Variants in GNL2 observed in about 807,000 individuals in gnomAD.
GNL2 encodes G protein nucleolar 2.
A neutral mutation model predicts 92.3 loss-of-function variants in GNL2; 51 were observed. The ratio of observed to expected loss-of-function variants is 0.55; its 90% CI spans 0.44 to 0.70. GNL2 has a LOEUF of 0.70. Ranked by LOEUF, GNL2 falls within the 30% of genes least tolerant of loss-of-function variation. The pLI, the probability that GNL2 is intolerant of heterozygous loss-of-function variation, is 0.00. For synonymous variants in GNL2, 283 were observed against 300.6 expected (o/e 0.94, Z 0.61); for missense variants, 844 against 895.6 (o/e 0.94, Z 0.74).
At position 37,568,288 on chromosome 1, in the gene GNL2, ATCT is replaced by A. The variant is rs1313198817; in HGVS notation, c.1935_1937del (p.Glu645del). ...ATTTAACTTCACCTCTGTCATCTAC[ATCT>A]TCTTCCAGTGTTTTTCTTTGTTCTT... On this transcript the variant is annotated inframe_deletion, in exon 14 of 16. Transcript: ENST00000373062. The A allele has an allele frequency of 6.3e-7, 1 of 1,593,996 alleles. No individual in the cohort carries two copies. Among genetic ancestry groups the A allele is most frequent in the Non-Finnish European group, 8.6e-7 (1 of 1,161,622 alleles).
rs757122063 is a variant in GNL2, at chr1:37,574,814, C to G, written c.1153G>C (p.Glu385Gln). Reference sequence around the variant, plus strand: ...TGGTCTTCAGGACTCTTAATTTTTTCTACTTGAACCTAAATGTTAATAGGA... The same window carrying G: ...TGGTCTTCAGGACTCTTAATTTTTTGTACTTGAACCTAAATGTTAATAGGA... ...DIVLKGVVQV[E>Q]KIKSPEDHIG... Residue 385 changes from glutamate to glutamine, a missense_variant, in exon 11 of 16, where the codon GAA becomes CAA. By Grantham distance (29) the Glu-to-Gln change is conservative (BLOSUM62 2). Coordinates refer to ENST00000373062, the MANE Select transcript of GNL2 (RefSeq NM_013285.3). 6.2e-7 allele frequency: 1 copy of G among 1,608,240 alleles called. No homozygotes were observed.
Position 37,593,819 on chromosome 1 carries a change from T to A in GNL2, c.92A>T (p.Asn31Ile), listed in dbSNP as rs1461632286. The change falls in exon 2 of 16, where the codon AAC becomes ATC. Residue 31 changes from asparagine (N) to isoleucine (I), a missense_variant. Coordinates refer to ENST00000373062, the MANE Select transcript of GNL2 (RefSeq NM_013285.3). Reference sequence around the variant, plus strand: ...CCGGATGGTGGCCCGGTCCCTCATGTTTTGGCCTCCTGCTCCCTGCACTCG... The same window carrying A: ...CCGGATGGTGGCCCGGTCCCTCATGATTTGGCCTCCTGCTCCCTGCACTCG... ...PDRVQGAGGQ[N>I]MRDRATIRRL... 5.0e-6 allele frequency: 8 copies of A among 1,613,862 alleles called. No individual in the cohort carries two copies. In the East Asian group the frequency reaches 1.8e-4, roughly 36 times the overall value.
intron 6 of GNL2, 48 bp from the exon 7 acceptor site, chr1:37,582,984 G>A (rs770377218): frequency 5.1e-5 from 67 of 1,325,908 alleles, no homozygotes; most frequent in Non-Finnish European, 5.5e-5. Flanking sequence ...ACAAATAAAA[G>A]AGGGATGACA....
chr1:37,582,612 T>A (rs1643788176), intron 7 of GNL2, among the ~76,000 whole-genome samples, 166 bp downstream of exon 7: 2 of 152,192 alleles, frequency 1.3e-5, no homozygotes, highest in South Asian at 4.1e-4. Flanking sequence ...TCAGAAGCCG[T>A]CTCCTGGTGC....
intron 12 of GNL2, among the ~76,000 whole-genome samples, chr1:37,572,354 G>T (rs928679721): frequency 6.6e-6 from 1 of 152,138 alleles, no homozygotes; most frequent in Non-Finnish European, 1.5e-5. Context: ...TTATGCTAAT[G>T]TGGTGACTCA....
chr1:37,585,145 G>A (rs1326345955), intron 5 of GNL2, among the ~76,000 whole-genome samples: 4 of 139,122 alleles, frequency 2.9e-5, no homozygotes, highest in East Asian at 2.2e-4. Context: ...TGCAACCTCC[G>A]CCTCCCGGGT....
intron 2 of GNL2, 190 bp downstream of exon 2, chr1:37,593,570 ACC>A (rs1348521468): frequency 5.8e-5 from 30 of 519,702 alleles, no homozygotes; most frequent in Admixed American, 3.6e-5. Context: ...TCACTATTTC[ACC>A]GCCAGCTACC....
At chr1:37,591,035 A>C (rs183613238) in intron 3 of GNL2, among the ~76,000 whole-genome samples, 190 bp from the exon 4 acceptor site, 1 of 152,322 alleles carries the variant, frequency 6.6e-6, no homozygotes, top group Admixed American at 6.5e-5. Flanking sequence ...CTTGCACACT[A>C]TGAACTATTC....
intron 8 of GNL2, among the ~76,000 whole-genome samples, chr1:37,577,155 TG>T (rs1643690928): frequency 6.6e-6 from 1 of 151,356 alleles, no homozygotes; most frequent in Non-Finnish European, 1.5e-5. Flanking sequence ...TGTTAGTCAC[TG>T]ATTTAGAACA....
intron 8 of GNL2, among the ~76,000 whole-genome samples, chr1:37,580,707 T>C (rs1196232075): frequency 6.6e-6 from 1 of 152,218 alleles, no homozygotes; most frequent in Non-Finnish European, 1.5e-5. Flanking sequence ...CGAAGGGAAC[T>C]ACCTGTGCTG....
chr1:37,567,034 AG>A (rs760342060), intron 15 of GNL2, 27 bp from the exon 16 acceptor site: 1 of 1,602,024 alleles, frequency 6.2e-7, no homozygotes, highest in Admixed American at 1.7e-5. Context: ...GAAAAGATGA[AG>A]AAAAAAAACA....
intron 5 of GNL2, among the ~76,000 whole-genome samples, chr1:37,586,804 G>A (rs190813462): frequency 6.6e-6 from 1 of 152,248 alleles, no homozygotes; most frequent in Admixed American, 6.5e-5. Flanking sequence ...TGTCAATCAA[G>A]CCACCTTAGA....
chr1:37,592,572 T>C lies in GNL2; in HGVS notation c.244+140A>G, dbSNP rs149920934. 462 of 599,224 alleles carry C rather than the reference T, an allele frequency of 7.7e-4. 2 individuals carry two copies. In the African/African-American group the frequency reaches 7.9e-3, roughly 10 times the overall value. 37.1% of individuals were successfully genotyped at this position (599,224 alleles called of 1,614,324 possible). A position where few individuals can be genotyped will look rare whatever the true frequency, so the allele number is the denominator to read the frequency against. On this transcript the variant is annotated intron_variant, in intron 3 of 15. Transcript: ENST00000373062. The stretch of plus-strand genomic sequence containing the variant: ...AATTGACCACCACTACTTTTCCCAG[T>C]AATTCTTCTTATCCCTTTCTCAGAT...
In GNL2 at chr1:37,574,749, G is replaced by C. The variant is rs781367696; in HGVS notation, c.1218C>G (p.Ile406Met). 1.2e-6 allele frequency: 2 copies of C among 1,613,610 alleles called. 1 individual carries two copies. Among genetic ancestry groups the C allele is most frequent in the South Asian group, 2.2e-5 (2 of 91,076 alleles). The change falls in exon 11 of 16, where the codon ATC becomes ATG. Residue 406 changes from isoleucine to methionine, a missense_variant. Ile to Met is a conservative substitution (Grantham distance 10, BLOSUM62 1). Transcript: ENST00000373062. ...AVLERAKPEY[I>M]SKTYKIDSWE... ...AAGAATCAATCTTGTATGTTTTGCT[G>C]ATATATTCTGGCTTTGCTCGTTCAA...
At chr1:37,568,801 T>C (rs543379036) in intron 13 of GNL2, 50 bp downstream of exon 13, 7 of 1,427,312 alleles carry the variant, frequency 4.9e-6, no homozygotes, top group Non-Finnish European at 6.8e-6. Flanking sequence ...ATGGCAAATT[T>C]TTGGGAAAGG....
intron 8 of GNL2, among the ~76,000 whole-genome samples, chr1:37,579,338 G>A (rs1452766802): frequency 2.0e-5 from 3 of 151,994 alleles, no homozygotes; most frequent in African/African-American, 4.8e-5. Flanking sequence ...ACCTGAGGTC[G>A]GAAGTTTGAG....
chr1:37,569,509 G>A (rs1643563362), intron 12 of GNL2: 2 of 539,158 alleles, frequency 3.7e-6, no homozygotes, highest in Admixed American at 3.4e-5. Context: ...AGGAATACAT[G>A]TGTAGTTCCA....
chr1:37,572,137 A>ATTC (rs1643603798), intron 12 of GNL2, among the ~76,000 whole-genome samples: 1 of 151,526 alleles, frequency 6.6e-6, no homozygotes, highest in African/African-American at 2.4e-5. Context: ...ACCCCAAAGT[A>ATTC]CTCCTCATCT....
intron 5 of GNL2, 121 bp downstream of exon 5, chr1:37,587,190 C>G (rs1331922138): frequency 4.4e-6 from 3 of 680,160 alleles, no homozygotes; most frequent in Middle Eastern, 3.1e-4. Context: ...TTGCTTGAAC[C>G]TGGGAAGCGG....
Sources: allele counts gnomAD v4.1 joint callset (sites outside exome capture counted in the v4.1 genomes callset), GRCh38; gene constraint gnomAD v4.1.1; transcripts MANE v1.5; gene names NCBI Gene and HGNC (gene_info 2026-07-23, HGNC 2026-07-21).